The following MCM5 variants were observed in gnomAD, a reference collection of about 807,000 sequenced individuals.
MCM5 encodes the protein minichromosome maintenance complex component 5.
MCM5 carries 46 observed loss-of-function variants against 79.9 expected under a neutral mutation model. The ratio of observed to expected loss-of-function variants is 0.58; its 90% CI spans 0.45 to 0.74. The LOEUF is 0.74. Among genes scored for constraint, MCM5 ranks in the 30% least tolerant of loss-of-function variants. The pLI is 0.00. For synonymous variants in MCM5, 404 were observed against 390.5 expected, an observed-to-expected ratio of 1.03 and a Z score of -0.41; for missense variants, 883 against 1,017.0, an observed-to-expected ratio of 0.87 and a Z score of 1.79.
At chr22:35,443,404 G>A in the MCM5 span, among the ~76,000 whole-genome samples, 1 of 152,250 alleles carries the variant, frequency 6.6e-6, no homozygotes, top group East Asian at 1.9e-4. Context: ...GGCCAGGCTG[G>A]TCTCAAACTC....
intron 2 of MCM5, among the ~76,000 whole-genome samples, 168 bp from the exon 3 acceptor site, chr22:35,403,039 G>A (rs1333774126): frequency 2.6e-5 from 4 of 152,160 alleles, no homozygotes; most frequent in African/African-American, 9.7e-5. Context: ...CCTCTGCAGG[G>A]TTAAATAATG....
Position 35,410,882 on chromosome 22 carries a change from G to C in MCM5, c.891G>C (p.Leu297=). Residue 297 remains leucine, a synonymous_variant, in exon 7 of 17, where the codon CTG becomes CTC. Transcript: ENST00000216122. ...TCCGAAGCTCCTACATCCGTGTCCTGGGCATCCAGGTGGACACAGATGGCT... is the reference window on the plus strand; with the variant it reads ...TCCGAAGCTCCTACATCCGTGTCCTCGGCATCCAGGTGGACACAGATGGCT... ...VGIRSSYIRV[L]GIQVDTDGSG... 1 of 1,609,344 alleles carries C rather than the reference G, an allele frequency of 6.2e-7. No individual in the cohort carries two copies. The highest frequency in any genetic ancestry group is 1.7e-5 in the Admixed American group (1 of 59,846).
intron 14 of MCM5, 80 bp downstream of exon 14, chr22:35,420,092 TG>T: frequency 6.7e-7 from 1 of 1,492,822 alleles, no homozygotes. Flanking sequence ...CCAGGGGCAG[TG>T]GTCCAGGCTT....
the MCM5 span, among the ~76,000 whole-genome samples, chr22:35,449,264 G>A: frequency 1.3e-5 from 2 of 152,206 alleles, no homozygotes; most frequent in Admixed American, 1.3e-4. Flanking sequence ...TACAGTCAGG[G>A]AAGAACGTTC....
intron 4 of MCM5, 44 bp from the exon 5 acceptor site, chr22:35,406,509 C>G (rs1439592753): frequency 6.3e-7 from 1 of 1,581,372 alleles, no homozygotes; most frequent in African/African-American, 1.3e-5. Flanking sequence ...CAGATGCGTC[C>G]TGGCTCCCCT....
intron 16 of MCM5, chr22:35,423,614 G>A: frequency 3.4e-6 from 1 of 292,620 alleles, no homozygotes; most frequent in Non-Finnish European, 6.3e-6. Context: ...CAAGTTCCCC[G>A]CAGCCCTTCC....
At chr22:35,454,512 GAC>G in the MCM5 span, among the ~76,000 whole-genome samples, 1 of 152,016 alleles carries the variant, frequency 6.6e-6, no homozygotes, top group Non-Finnish European at 1.5e-5. Flanking sequence ...AGGTTCCTGT[GAC>G]ACAGACATGA....
chr22:35,450,194 G>A, the MCM5 span, among the ~76,000 whole-genome samples: 7 of 152,094 alleles, frequency 4.6e-5, no homozygotes, highest in Non-Finnish European at 1.0e-4. Context: ...GGACTGTCAC[G>A]AGAATTAGAT....
intron 5 of MCM5, 110 bp from the exon 6 acceptor site, chr22:35,408,298 C>A: frequency 1.0e-6 from 1 of 953,750 alleles, no homozygotes; most frequent in Non-Finnish European, 1.6e-6. Context: ...TTCTGGAGAC[C>A]CCCATAAATT....
intron 2 of MCM5, chr22:35,401,570 C>G: frequency 2.1e-6 from 1 of 470,124 alleles, no homozygotes; most frequent in South Asian, 1.5e-5. Flanking sequence ...CAGCACTGGC[C>G]CATTATTAGC....
At chr22:35,428,610 A>G (rs1325749412), downstream of MCM5, among the ~76,000 whole-genome samples, 2 of 152,090 alleles carry the variant, frequency 1.3e-5, no homozygotes, top group Non-Finnish European at 2.9e-5. Flanking sequence ...GTAAACCTAC[A>G]CACATTGGCT....
the MCM5 span, among the ~76,000 whole-genome samples, chr22:35,432,086 G>A: frequency 6.6e-6 from 1 of 152,192 alleles, no homozygotes; most frequent in African/African-American, 2.4e-5. Flanking sequence ...TCTTAGACTA[G>A]TGCCTGTTAC....
At chr22:35,452,867 C>T in the MCM5 span, among the ~76,000 whole-genome samples, 3 of 152,156 alleles carry the variant, frequency 2.0e-5, no homozygotes, top group Non-Finnish European at 4.4e-5. Context: ...TGTGTCCCGT[C>T]CGCCTTGCAT....
intron 9 of MCM5, 86 bp downstream of exon 9, chr22:35,414,072 G>C: frequency 2.4e-6 from 2 of 823,818 alleles, no homozygotes; most frequent in Non-Finnish European, 4.1e-6. Flanking sequence ...GGACACCTGT[G>C]GTGGGCTGGC....
rs1338435914 is a variant in MCM5, at chr22:35,416,304, G to A, written c.1348-35G>A. On this transcript the variant is annotated intron_variant, in intron 10 of 16. Coordinates refer to ENST00000216122, the MANE Select transcript of MCM5 (RefSeq NM_006739.4). ...TACTGCTCCCTGCTCCCTCACTTCA[G>A]TAGGTCTGATGATATTTCTCTCTTC... The A allele has an allele frequency of 2.5e-6, 4 of 1,599,482 alleles. No individual in the cohort carries two copies. In the African/African-American group the frequency reaches 4.0e-5, roughly 16 times the overall value.
Position 35,406,541 on chromosome 22 carries a change from G to A in MCM5, c.424-12G>A, listed in dbSNP as rs1424277548. The A allele has an allele frequency of 6.2e-7, 1 of 1,609,358 alleles. No homozygotes were observed. The highest frequency in any genetic ancestry group is 8.5e-7 in the Non-Finnish European group (1 of 1,176,932). Reference sequence around the variant, plus strand: ...CCCTTAACCAACAAGCTTCCCGATGGCTCTATTACAGTCGGACATGATGTC... The same window carrying A: ...CCCTTAACCAACAAGCTTCCCGATGACTCTATTACAGTCGGACATGATGTC... On this transcript the variant is annotated splice_polypyrimidine_tract_variant and intron_variant, in intron 4 of 16. Transcript: ENST00000216122.
At chr22:35,446,329 A>G in the MCM5 span, among the ~76,000 whole-genome samples, 1 of 152,124 alleles carries the variant, frequency 6.6e-6, no homozygotes, top group African/African-American at 2.4e-5. Context: ...CCCTGGCTGG[A>G]ACATTCTAGC....
chr22:35,400,596 T>G lies in MCM5; in HGVS notation c.158T>G (p.Phe53Cys). The G allele has an allele frequency of 6.2e-7, 1 of 1,608,368 alleles. No homozygotes were observed. Among genetic ancestry groups the G allele is most frequent in the Non-Finnish European group, 8.5e-7 (1 of 1,176,322 alleles). The change falls in exon 2 of 17, where the codon TTC becomes TGC. Residue 53 changes from phenylalanine (F) to cysteine (C), a missense_variant. This residue lies in a region of MCM5 where 455 missense variants were observed against 517.5 expected (regional missense o/e 0.88). Transcript: ENST00000216122. ...RVGTDRTGFTFKYRDELKRHY... is the reference protein window; with the variant it reads ...RVGTDRTGFTCKYRDELKRHY... ...GGCACCGACCGCACGGGCTTCACCT[T>G]CAAATACAGGTGCGGCTCCTGCGGG...
intron 14 of MCM5, 130 bp from the exon 15 acceptor site, chr22:35,421,188 T>G: frequency 1.2e-6 from 1 of 829,088 alleles, no homozygotes; most frequent in Non-Finnish European, 1.8e-6. Context: ...GGGAGATGGA[T>G]TATGGGGACA....
Sources: allele counts gnomAD v4.1 joint callset (sites outside exome capture counted in the v4.1 genomes callset), GRCh38; gene constraint gnomAD v4.1.1; regional missense constraint gnomAD v4.1.1; transcripts MANE v1.5; gene names NCBI Gene and HGNC (gene_info 2026-07-23, HGNC 2026-07-21).